The following MED12L variants were observed in gnomAD, a reference collection of about 807,000 sequenced individuals.
MED12L encodes mediator complex subunit 12L, also known as mediator of RNA polymerase II transcription subunit 12-like protein.
In MED12L, 60 loss-of-function variants were observed where a neutral mutation model predicts 281.3. The ratio of observed to expected loss-of-function variants is 0.21; its 90% CI spans 0.17 to 0.26. MED12L has a LOEUF of 0.26. Among genes scored for constraint, MED12L ranks in the 10% least tolerant of loss-of-function variants. The probability of loss-of-function intolerance (pLI) is 1.00; values close to 1 mark genes in which losing one functional copy is unlikely to be tolerated. For missense variants in MED12L, 2,146 were observed against 2,680.9 expected, an observed-to-expected ratio of 0.80 and a Z score of 4.41; for synonymous variants, 974 against 987.2, an observed-to-expected ratio of 0.99 and a Z score of 0.25.
At chr3:151,169,418 G>T (rs1208174063) in intron 11 of MED12L, among the ~76,000 whole-genome samples, 1 of 152,130 alleles carries the variant, frequency 6.6e-6, no homozygotes, top group African/African-American at 2.4e-5. Flanking sequence ...ACCGTGCCCA[G>T]CCCTGTTTTC....
intron 39 of MED12L, among the ~76,000 whole-genome samples, chr3:151,397,558 G>GA (rs1386731810): frequency 6.6e-6 from 1 of 152,044 alleles, no homozygotes; most frequent in Admixed American, 6.6e-5. Flanking sequence ...TCTTATGGCA[G>GA]AAAAAAATTC....
In MED12L at chr3:151,436,513, A is replaced by G. The variant is rs1720241533; in HGVS notation, c.*3709A>G. The G allele has an allele frequency of 2.0e-6, 1 of 501,950 alleles. No homozygotes were observed. Among genetic ancestry groups the G allele is most frequent in the South Asian group, 4.0e-5 (1 of 25,272 alleles). 31.1% of individuals were successfully genotyped at this position (501,950 alleles called of 1,614,324 possible). ...GTTTGTTTTGAGATCCATTAAATAAATCAGTATCATCAGTTCATAATGCAT... is the reference window on the plus strand; with the variant it reads ...GTTTGTTTTGAGATCCATTAAATAAGTCAGTATCATCAGTTCATAATGCAT... On this transcript the variant is annotated 3_prime_UTR_variant, in exon 45 of 45. Coordinates refer to ENST00000687756, the MANE Select transcript of MED12L (RefSeq NM_001393769.1).
intron 16 of MED12L, among the ~76,000 whole-genome samples, chr3:151,324,329 G>A (rs543667867): frequency 5.7e-4 from 87 of 152,238 alleles, no homozygotes; most frequent in Admixed American, 1.5e-3. Flanking sequence ...CTCTAGGTCA[G>A]GGCTTATTAC....
intron 16 of MED12L, among the ~76,000 whole-genome samples, chr3:151,305,852 T>C (rs1015366121): frequency 1.3e-5 from 2 of 152,176 alleles, no homozygotes; most frequent in African/African-American, 4.8e-5. Context: ...GCCTGAACAA[T>C]GTTGAAAACA....
chr3:151,261,916 G>A (rs745695815), intron 16 of MED12L, among the ~76,000 whole-genome samples: 3 of 151,892 alleles, frequency 2.0e-5, no homozygotes, highest in African/African-American at 4.8e-5. Flanking sequence ...TAGTAGAGAC[G>A]GGGTTTCACC....
intron 38 of MED12L, among the ~76,000 whole-genome samples, chr3:151,390,591 T>G (rs2108224430): frequency 6.6e-6 from 1 of 152,316 alleles, no homozygotes; most frequent in Middle Eastern, 3.4e-3. Flanking sequence ...CTGATTTTAG[T>G]ATTGCTTTGG....
intron 16 of MED12L, chr3:151,198,544 A>T: frequency 6.2e-7 from 1 of 1,614,054 alleles, no homozygotes; most frequent in South Asian, 1.1e-5. Flanking sequence ...ACAGGATAGG[A>T]TCAAAGCACA....
intron 5 of MED12L, among the ~76,000 whole-genome samples, chr3:151,132,101 T>C (rs1174105008): frequency 1.3e-5 from 2 of 152,194 alleles, no homozygotes; most frequent in South Asian, 2.1e-4. Context: ...ATATTTCTTA[T>C]GTTAGAGTAT....
intron 3 of MED12L, among the ~76,000 whole-genome samples, chr3:151,116,849 A>G (rs1375212738): frequency 3.3e-5 from 5 of 152,174 alleles, no homozygotes; most frequent in Non-Finnish European, 7.3e-5. Context: ...GAGACACACA[A>G]TGCCAGTTTG....
At chr3:151,165,715 T>A in intron 10 of MED12L, 131 bp from the exon 11 acceptor site, 1 of 1,064,438 alleles carries the variant, frequency 9.4e-7, no homozygotes, top group Non-Finnish European at 1.4e-6. Flanking sequence ...TTGATGATTG[T>A]TTGATAACAT....
chr3:151,380,379 C>T (rs184425144), intron 32 of MED12L, among the ~76,000 whole-genome samples, 155 bp downstream of exon 32: 167 of 152,162 alleles, frequency 1.1e-3, no homozygotes, highest in African/African-American at 3.6e-3. Context: ...GGTGGATCAC[C>T]TGAGGCCAGG....
intron 5 of MED12L, among the ~76,000 whole-genome samples, chr3:151,142,762 G>C (rs759208557): frequency 5.3e-5 from 8 of 151,512 alleles, no homozygotes; most frequent in East Asian, 1.9e-4. Context: ...ATAAAAGCTA[G>C]GTTCTTTATT....
chr3:151,325,966 A>T (rs1277525884), intron 16 of MED12L, among the ~76,000 whole-genome samples: 1 of 152,326 alleles, frequency 6.6e-6, no homozygotes, highest in Admixed American at 6.5e-5. Flanking sequence ...TAATTCTTTT[A>T]TCAGAGAGAA....
intron 16 of MED12L, among the ~76,000 whole-genome samples, chr3:151,246,957 A>G (rs941552134): frequency 5.3e-5 from 8 of 152,236 alleles, no homozygotes; most frequent in African/African-American, 1.9e-4. Flanking sequence ...AAAGTGGGCA[A>G]AGGACACGAA....
At chr3:151,339,192 G>A (rs1751455544) in intron 16 of MED12L, among the ~76,000 whole-genome samples, 1 of 151,966 alleles carries the variant, frequency 6.6e-6, no homozygotes, top group Non-Finnish European at 1.5e-5. Flanking sequence ...GAAATAATGG[G>A]GCTGTGCTTT....
chr3:151,264,527 C>T (rs1245431827), intron 16 of MED12L, among the ~76,000 whole-genome samples: 2 of 152,212 alleles, frequency 1.3e-5, no homozygotes, highest in Non-Finnish European at 2.9e-5. Flanking sequence ...CTAAGATAAC[C>T]ATAACCCAGT....
At chr3:151,143,267 T>G (rs1004150150) in intron 5 of MED12L, among the ~76,000 whole-genome samples, 3 of 152,218 alleles carry the variant, frequency 2.0e-5, no homozygotes, top group African/African-American at 4.8e-5. Context: ...AATGAAAGAC[T>G]CTTAGCTGTC....
chr3:151,229,587 T>C (rs959536390), intron 16 of MED12L, among the ~76,000 whole-genome samples: 79 of 151,806 alleles, frequency 5.2e-4, no homozygotes, highest in African/African-American at 1.9e-3. Flanking sequence ...CATGCCATTT[T>C]CCTGCCTCAG....
chr3:151,394,463 A>G (rs1438507164), intron 38 of MED12L, among the ~76,000 whole-genome samples, 193 bp from the exon 39 acceptor site: 1 of 152,218 alleles, frequency 6.6e-6, no homozygotes, highest in Non-Finnish European at 1.5e-5. Flanking sequence ...TCACTTCTAC[A>G]TCACTCCCCT....
Sources: allele counts gnomAD v4.1 joint callset (sites outside exome capture counted in the v4.1 genomes callset), GRCh38; gene constraint gnomAD v4.1.1; transcripts MANE v1.5; gene names NCBI Gene and HGNC (gene_info 2026-07-23, HGNC 2026-07-21).